Variants in RCL1 observed in about 807,000 individuals in gnomAD.
The protein encoded by RCL1 is RNA 3'-terminal phosphate cyclase-like protein.
RCL1 carries 24 observed loss-of-function variants against 42.4 expected under a neutral mutation model. That is an observed-to-expected ratio of 0.57 (90% CI 0.41 to 0.80). RCL1 has a LOEUF of 0.80. RCL1 is among the 30% of genes least tolerant of loss of function. The pLI, the probability that RCL1 is intolerant of heterozygous loss-of-function variation, is 0.00. For missense variants in RCL1, 578 were observed against 467.9 expected (o/e 1.24, Z -2.17); for synonymous variants, 228 against 177.3 (o/e 1.29, Z -2.27).
intron 7 of RCL1, 57 bp from the exon 8 acceptor site, chr9:4,849,388 CCT>C: frequency 7.7e-7 from 1 of 1,301,986 alleles, no homozygotes; most frequent in South Asian, 1.3e-5. Flanking sequence ...TTTTTTTCCT[CCT>C]CTCTTTTGTT....
chr9:4,841,420 G>T, intron 6 of RCL1, 63 bp downstream of exon 6: 1 of 1,341,312 alleles, frequency 7.5e-7, no homozygotes, highest in Non-Finnish European at 1.1e-6. Context: ...TCTAGTTGAA[G>T]TTAAAACTGC....
chr9:4,817,191 T>C (rs1816412527), intron 1 of RCL1, among the ~76,000 whole-genome samples: 2 of 152,162 alleles, frequency 1.3e-5, no homozygotes, highest in Admixed American at 6.5e-5. Context: ...TTCTGTTTAT[T>C]ATTTGAAAAA....
At chr9:4,827,183 C>G in intron 3 of RCL1, 150 bp downstream of exon 3, 2 of 1,545,924 alleles carry the variant, frequency 1.3e-6, no homozygotes, top group East Asian at 2.4e-5. Context: ...GTTAATCACT[C>G]CAGGAGGCAG....
At chr9:4,800,152 G>A (rs1429838770) in intron 1 of RCL1, among the ~76,000 whole-genome samples, 2 of 151,624 alleles carry the variant, frequency 1.3e-5, no homozygotes, top group East Asian at 3.9e-4. Flanking sequence ...CATGTAGGTT[G>A]TTTCCAGTTT....
intron 1 of RCL1, among the ~76,000 whole-genome samples, chr9:4,812,385 T>C (rs890687836): frequency 1.2e-4 from 19 of 152,066 alleles, no homozygotes; most frequent in African/African-American, 4.6e-4. Context: ...TCTAGTTCCT[T>C]TCTTCTGCAT....
At chr9:4,838,127 T>C (rs879566994) in intron 5 of RCL1, among the ~76,000 whole-genome samples, 12 of 152,338 alleles carry the variant, frequency 7.9e-5, no homozygotes, top group African/African-American at 2.9e-4. Context: ...CTTGCAAGGC[T>C]GGTTGACTAC....
At chr9:4,828,638 G>C (rs1169182613) in intron 3 of RCL1, among the ~76,000 whole-genome samples, 1 of 151,418 alleles carries the variant, frequency 6.6e-6, no homozygotes, top group East Asian at 1.9e-4. Context: ...TAGATTGGAA[G>C]AGAGAAAGGT....
chr9:4,801,891 C>G (rs1283170714), intron 1 of RCL1, among the ~76,000 whole-genome samples: 1 of 151,506 alleles, frequency 6.6e-6, no homozygotes, highest in South Asian at 2.1e-4. Flanking sequence ...ATATGTCTGT[C>G]TCTTGCCAAC....
rs1292074418 is a variant in RCL1 at position 4,844,600 on chromosome 9, C to G, written c.786C>G (p.Asn262Lys). 6.2e-7 allele frequency: 1 copy of G among 1,613,982 alleles called. No individual in the cohort carries two copies. Among genetic ancestry groups the G allele is most frequent in the Non-Finnish European group, 8.5e-7 (1 of 1,179,934 alleles). ...TCCTCAGTGCTGAACTGGCCTCCAA[C>G]CCCCAGGGCCAGGGAGCAGCAGTAC... ...GTFLSAELASNPQGQGAAVLP... is the reference protein window; with the variant it reads ...GTFLSAELASKPQGQGAAVLP... The change falls in exon 7 of 9, where the codon AAC (asparagine) becomes AAG (lysine). Residue 262 changes from asparagine to lysine, a missense_variant. Transcript: ENST00000381750.
intron 1 of RCL1, among the ~76,000 whole-genome samples, chr9:4,811,427 C>A (rs898250527): frequency 2.6e-5 from 4 of 152,132 alleles, no homozygotes; most frequent in African/African-American, 9.7e-5. Flanking sequence ...CCTTCCTTCT[C>A]CCCTCCCTTT....
chr9:4,807,270 G>T (rs573433052), intron 1 of RCL1, among the ~76,000 whole-genome samples: 2 of 152,148 alleles, frequency 1.3e-5, no homozygotes, highest in Admixed American at 1.3e-4. Flanking sequence ...ATTTATTTCT[G>T]TTCTTTATTA....
At chr9:4,809,533 C>T (rs1251438793) in intron 1 of RCL1, among the ~76,000 whole-genome samples, 1 of 152,198 alleles carries the variant, frequency 6.6e-6, no homozygotes, top group African/African-American at 2.4e-5. Context: ...CGGTCTCGAT[C>T]TCCTGACCTT....
At chr9:4,857,828 T>A (rs1818014254) in intron 8 of RCL1, among the ~76,000 whole-genome samples, 1 of 152,154 alleles carries the variant, frequency 6.6e-6, no homozygotes, top group Admixed American at 6.5e-5. Context: ...AAGTGATATT[T>A]CACAGTGGTT....
At chr9:4,799,653 T>C (rs1403019263) in intron 1 of RCL1, among the ~76,000 whole-genome samples, 1 of 152,210 alleles carries the variant, frequency 6.6e-6, no homozygotes, top group African/African-American at 2.4e-5. Context: ...TCATATAGTA[T>C]GTAACCTTTG....
intron 7 of RCL1, 108 bp downstream of exon 7, chr9:4,844,789 A>G: frequency 2.7e-6 from 3 of 1,129,102 alleles, no homozygotes; most frequent in Non-Finnish European, 2.5e-6. Context: ...AGCCAAGGAG[A>G]TAATCTGTTC....
intron 8 of RCL1, among the ~76,000 whole-genome samples, chr9:4,854,785 G>A (rs1196264190): frequency 1.3e-5 from 2 of 152,078 alleles, no homozygotes; most frequent in East Asian, 1.9e-4. Context: ...GGCCGGGTGC[G>A]GTGGCTCACA....
intron 1 of RCL1, among the ~76,000 whole-genome samples, chr9:4,796,502 C>T (rs561633043): frequency 6.6e-5 from 10 of 152,120 alleles, no homozygotes; most frequent in Admixed American, 1.3e-4. Flanking sequence ...CTCAGGTGAT[C>T]CTCTCACGTT....
At chr9:4,827,338 GT>G in intron 3 of RCL1, 1 of 1,122,370 alleles carries the variant, frequency 8.9e-7, no homozygotes, top group Non-Finnish European at 1.2e-6. Flanking sequence ...GGCTGTATAT[GT>G]GAGAGTGGAG....
At chr9:4,797,578 G>A (rs1351413370) in intron 1 of RCL1, among the ~76,000 whole-genome samples, 1 of 152,104 alleles carries the variant, frequency 6.6e-6, no homozygotes, top group African/African-American at 2.4e-5. Flanking sequence ...AGAATCCAAG[G>A]GTGCTGCTAA....
Sources: allele counts gnomAD v4.1 joint callset (sites outside exome capture counted in the v4.1 genomes callset), GRCh38; gene constraint gnomAD v4.1.1; transcripts MANE v1.5; gene names NCBI Gene and HGNC (gene_info 2026-07-23, HGNC 2026-07-21).